The following SHISA6 variants were observed in gnomAD, a reference collection of about 807,000 sequenced individuals.
The protein encoded by SHISA6 is shisa family member 6.
In SHISA6, 22 loss-of-function variants were observed where a neutral mutation model predicts 47.9. The ratio of observed to expected loss-of-function variants is 0.46; its 90% CI spans 0.33 to 0.66. SHISA6 has a LOEUF of 0.66. Ranked by LOEUF, SHISA6 falls within the 30% of genes least tolerant of loss-of-function variation. SHISA6 has a pLI of 0.02. For missense variants in SHISA6, 680 were observed against 764.6 expected (o/e 0.89, Z 1.30); for synonymous variants, 388 against 337.8 (o/e 1.15, Z -1.63).
Position 11,263,453 on chromosome 17 carries a change from C to T in SHISA6, c.726C>T (p.Pro242=). 3 of 1,551,844 alleles carry T rather than the reference C, an allele frequency of 1.9e-6. No individual in the cohort carries two copies. In the South Asian group the frequency reaches 3.6e-5, roughly 18 times the overall value. Residue 242 remains proline (P), a synonymous_variant, in exon 2 of 6, where the codon CCC becomes CCT. Transcript: ENST00000441885. ...RETISAIDTS[P]KENTPVRSSS... ...CTATCTCGGCTATCGATACCTCTCC[C>T]AAAGAGAACACGCCGGTCAGATCGT...
chr17:11,334,558 C>T (rs1489062846), intron 2 of SHISA6, among the ~76,000 whole-genome samples: 1 of 152,164 alleles, frequency 6.6e-6, no homozygotes, highest in Non-Finnish European at 1.5e-5. Context: ...ACATGCATGT[C>T]CAGGTTTTAG....
chr17:11,387,266 A>G (rs2142251649), intron 3 of SHISA6, among the ~76,000 whole-genome samples: 1 of 152,268 alleles, frequency 6.6e-6, no homozygotes, highest in African/African-American at 2.4e-5. Flanking sequence ...CTGCCCAGAC[A>G]GGCACTCCAT....
intron 2 of SHISA6, among the ~76,000 whole-genome samples, chr17:11,273,051 C>T (rs73293758): frequency 0.027 from 4,062 of 152,292 alleles, 192 homozygotes; most frequent in African/African-American, 0.092. Context: ...ATATTAGCAA[C>T]TAACAGTACT....
intron 2 of SHISA6, among the ~76,000 whole-genome samples, chr17:11,367,151 G>T (rs1912479098): frequency 6.6e-6 from 1 of 152,160 alleles, no homozygotes; most frequent in Admixed American, 6.5e-5. Flanking sequence ...ACGGTGACTT[G>T]GCTGGGGGAA....
chr17:11,272,071 A>G (rs912430396), intron 2 of SHISA6, among the ~76,000 whole-genome samples: 3 of 151,554 alleles, frequency 2.0e-5, no homozygotes, highest in Admixed American at 2.0e-4. Flanking sequence ...TCCTCAGCCC[A>G]TCTCCTCCGC....
chr17:11,553,249 G>C (rs999728540), intron 4 of SHISA6, among the ~76,000 whole-genome samples: 1 of 152,128 alleles, frequency 6.6e-6, no homozygotes, highest in Non-Finnish European at 1.5e-5. Context: ...CCTCAGGAGT[G>C]GGGGCACTCT....
intron 2 of SHISA6, among the ~76,000 whole-genome samples, chr17:11,338,521 C>T (rs540296504): frequency 6.6e-6 from 1 of 152,260 alleles, no homozygotes. Flanking sequence ...CCTGCCTCAG[C>T]CTCCTGAGTA....
At position 11,563,680 on chromosome 17, in the gene SHISA6, A is replaced by C. The variant is rs2072066744; in HGVS notation, c.*5376A>C. 1 of 152,192 alleles carries C rather than the reference A, an allele frequency of 6.6e-6. No homozygotes were observed. Among genetic ancestry groups the C allele is most frequent in the Non-Finnish European group, 1.5e-5 (1 of 68,034 alleles). 9.4% of individuals were successfully genotyped at this position (152,192 alleles called of 1,614,324 possible). A position where few individuals can be genotyped will look rare whatever the true frequency, so the allele number is the denominator to read the frequency against. ...TCAACTAGACATTTTGTAGTAAAGA[A>C]TTCTTGAAATTCTCTAATAAAAAGC... is the stretch of plus-strand genomic sequence containing the variant. On this transcript the variant is annotated 3_prime_UTR_variant, in exon 6 of 6. Coordinates refer to ENST00000441885, the MANE Select transcript of SHISA6 (RefSeq NM_207386.4).
chr17:11,530,410 G>A (rs907105231), intron 3 of SHISA6, among the ~76,000 whole-genome samples: 1 of 152,104 alleles, frequency 6.6e-6, no homozygotes, highest in Non-Finnish European at 1.5e-5. Flanking sequence ...CAGTTTGTTC[G>A]GCATTGTTGC....
At chr17:11,324,202 T>A (rs1367861768) in intron 2 of SHISA6, among the ~76,000 whole-genome samples, 1 of 152,158 alleles carries the variant, frequency 6.6e-6, no homozygotes, top group Non-Finnish European at 1.5e-5. Context: ...TGCAAGTGTG[T>A]CAGACTGGCA....
At chr17:11,330,077 A>G (rs139605517) in intron 2 of SHISA6, among the ~76,000 whole-genome samples, 1 of 152,186 alleles carries the variant, frequency 6.6e-6, no homozygotes, top group East Asian at 1.9e-4. Context: ...CCCAACTTGC[A>G]TCATCCTTAC....
chr17:11,249,900 G>T (rs1907737537), intron 1 of SHISA6, among the ~76,000 whole-genome samples: 1 of 152,192 alleles, frequency 6.6e-6, no homozygotes, highest in Non-Finnish European at 1.5e-5. Flanking sequence ...AGGCATTTCA[G>T]AAAGGAGTGA....
At chr17:11,410,912 A>C (rs1170302085) in intron 3 of SHISA6, among the ~76,000 whole-genome samples, 3 of 152,172 alleles carry the variant, frequency 2.0e-5, no homozygotes, top group Admixed American at 1.3e-4. Flanking sequence ...CCTGTTTCTT[A>C]GTATAGATGG....
chr17:11,400,932 T>C (rs911810209), intron 3 of SHISA6, among the ~76,000 whole-genome samples: 12 of 152,170 alleles, frequency 7.9e-5, no homozygotes, highest in African/African-American at 2.9e-4. Flanking sequence ...CCTCCACGAG[T>C]TTTCTCCACA....
intron 1 of SHISA6, among the ~76,000 whole-genome samples, chr17:11,253,796 A>G (rs933360558): frequency 3.2e-4 from 49 of 152,202 alleles, no homozygotes; most frequent in African/African-American, 1.2e-3. Context: ...TTGAGAATTC[A>G]TGTTATAAAC....
intron 3 of SHISA6, among the ~76,000 whole-genome samples, chr17:11,382,179 C>T (rs1339385655): frequency 6.6e-6 from 1 of 152,058 alleles, no homozygotes; most frequent in Admixed American, 6.6e-5. Flanking sequence ...CTCAAGTGAT[C>T]CTTCCATTTC....
chr17:11,423,952 C>A (rs1396412831), intron 3 of SHISA6, among the ~76,000 whole-genome samples: 12 of 152,064 alleles, frequency 7.9e-5, no homozygotes, highest in Non-Finnish European at 1.6e-4. Context: ...ATTAAACACT[C>A]CTGGAGAAAG....
At chr17:11,534,857 C>T (rs1223758768) in intron 3 of SHISA6, among the ~76,000 whole-genome samples, 6 of 152,036 alleles carry the variant, frequency 3.9e-5, no homozygotes, top group Non-Finnish European at 5.9e-5. Context: ...GGGCCAGGAG[C>T]GGTGGCACAT....
At chr17:11,440,014 A>G (rs1047962637) in intron 3 of SHISA6, among the ~76,000 whole-genome samples, 4 of 152,224 alleles carry the variant, frequency 2.6e-5, no homozygotes, top group Non-Finnish European at 5.9e-5. Flanking sequence ...TGCACCCCAA[A>G]TAAACAGGAG....
Sources: gnomAD v4.1 joint callset for allele counts (sites outside exome capture counted in the v4.1 genomes callset) on GRCh38, gnomAD v4.1.1 for gene constraint, MANE v1.5 for transcripts, NCBI Gene and HGNC (gene_info 2026-07-23, HGNC 2026-07-21) for gene names.